Variants in EMILIN1 observed in about 807,000 individuals in gnomAD.
The protein encoded by EMILIN1 is elastin microfibril interfacer 1, also known as EMILIN-1.
In EMILIN1, 49 loss-of-function variants were observed where a neutral mutation model predicts 82.4. That is an observed-to-expected ratio of 0.59 (90% CI 0.47 to 0.75). The LOEUF (loss-of-function observed/expected upper bound fraction) is 0.75, where lower values mean the gene tolerates loss of function less well. Ranked by LOEUF, EMILIN1 falls within the 30% of genes least tolerant of loss-of-function variation. EMILIN1 has a pLI of 0.00. For synonymous variants in EMILIN1, 604 were observed against 602.2 expected, an observed-to-expected ratio of 1.00 and a Z score of -0.04; for missense variants, 1,313 against 1,366.4, an observed-to-expected ratio of 0.96 and a Z score of 0.62.
rs1214288215 is a variant in EMILIN1, at chr2:27,081,513, CT to C, written c.511+562del. On this transcript the variant is annotated intron_variant, in intron 3 of 7. Coordinates refer to ENST00000380320, the MANE Select transcript of EMILIN1 (RefSeq NM_007046.4). ...ACTATAATTATGCAAACAGGAACTC[CT>C]GGCCAACTCTCACCGTCCACAGAGC... 1.2e-4 allele frequency among the ~76,000 whole-genome samples: 19 copies of C among 152,284 alleles called. No individual in the cohort carries two copies. In the East Asian group the frequency reaches 2.1e-3, roughly 17 times the overall value.
Position 27,083,452 on chromosome 2 carries a change from C to T in EMILIN1, c.1881C>T (p.Asp627=), listed in dbSNP as rs767710118. Residue 627 remains aspartate (D), a synonymous_variant, in exon 4 of 8, where the codon GAC becomes GAT. Coordinates refer to ENST00000380320, the MANE Select transcript of EMILIN1 (RefSeq NM_007046.4). ...GVGGPSRGPL[D]GFSVFGGSSG... is the part of the protein sequence containing the mutation. ...GGGGCCCAAGCCGTGGGCCCCTGGA[C>T]GGCTTCAGCGTGTTTGGGGGCAGCT... is the stretch of plus-strand genomic sequence containing the variant. 1.7e-5 allele frequency: 28 copies of T among 1,612,744 alleles called. No homozygotes were observed. Among genetic ancestry groups the T allele is most frequent in the South Asian group, 9.9e-5 (9 of 91,072 alleles).
chr2:27,083,369 G>A lies in EMILIN1; in HGVS notation c.1798G>A (p.Glu600Lys). Residue 600 changes from glutamate (E) to lysine (K), a missense_variant, in exon 4 of 8, where the codon GAG becomes AAG. Physicochemically the swap from Glu to Lys is moderately conservative, Grantham distance 56. Coordinates refer to ENST00000380320, the MANE Select transcript of EMILIN1 (RefSeq NM_007046.4). The part of the protein sequence containing the change: ...EELGRLRDGV[E>K]RCSCPLLPPR... ...ACTAGGCCGCCTTCGGGATGGTGTG[G>A]AGCGCTGCTCCTGCCCCCTGTTGCC... 1 of 1,612,604 alleles carries A rather than the reference G, an allele frequency of 6.2e-7. No homozygotes were observed. Among genetic ancestry groups the A allele is most frequent in the Admixed American group, 1.7e-5 (1 of 60,024 alleles).
In EMILIN1 at chr2:27,083,050, C is replaced by T; in HGVS notation, c.1479C>T (p.Val493=). The change falls in exon 4 of 8, where the codon GTC becomes GTT. Residue 493 remains valine, a synonymous_variant. Transcript: ENST00000380320. The part of the protein sequence containing the change: ...SGAPGEQDSQ[V]SEILSALERR... ...CCCCTGGGGAGCAGGACTCTCAAGT[C>T]AGCGAGATCCTCAGTGCCTTGGAGC... The T allele has an allele frequency of 9.7e-6, 15 of 1,544,406 alleles. No individual in the cohort carries two copies. Among genetic ancestry groups the T allele is most frequent in the Non-Finnish European group, 1.3e-5 (15 of 1,145,220 alleles).
In EMILIN1 at chr2:27,079,190, G is replaced by A; in HGVS notation, c.125G>A (p.Gly42Glu). The A allele has an allele frequency of 2.5e-6, 4 of 1,582,094 alleles. No individual in the cohort carries two copies. Among genetic ancestry groups the A allele is most frequent in the Non-Finnish European group, 3.4e-6 (4 of 1,168,914 alleles). ...YTGSSGALSPGGPQAQIAPRP... is the reference protein window; with the variant it reads ...YTGSSGALSPEGPQAQIAPRP... ...GGTTCCAGTGGGGCCCTCAGCCCCG[G>A]GGGGCCCCAGGCCCAGATTGCCCCC... is the stretch of plus-strand genomic sequence containing the variant. The change falls in exon 1 of 8, where the codon GGG becomes GAG. Residue 42 changes from glycine to glutamate, a missense_variant. Coordinates refer to ENST00000380320, the MANE Select transcript of EMILIN1 (RefSeq NM_007046.4).
At chr2:27,080,061 G>C in intron 1 of EMILIN1, 90 bp from the exon 2 acceptor site, 1 of 1,474,800 alleles carries the variant, frequency 6.8e-7, no homozygotes, top group East Asian at 2.3e-5. Context: ...TGCATCTTTG[G>C]AGCCTTCTTC....
Position 27,082,843 on chromosome 2 carries a change from G to A in EMILIN1, c.1272G>A (p.Gln424=). The change falls in exon 4 of 8, where the codon CAG becomes CAA. Residue 424 remains glutamine (Q), a synonymous_variant. Coordinates refer to ENST00000380320, the MANE Select transcript of EMILIN1 (RefSeq NM_007046.4). ...FNSTLGPSEE[Q]EESWPGAPGG... ...CCACCCTGGGCCCTTCGGAGGAGCAGGAGGAGAGCTGGCCTGGGGCTCCTG... is the reference window on the plus strand; with the variant it reads ...CCACCCTGGGCCCTTCGGAGGAGCAAGAGGAGAGCTGGCCTGGGGCTCCTG... 1 of 1,578,484 alleles carries A rather than the reference G, an allele frequency of 6.3e-7. No homozygotes were observed.
Position 27,083,987 on chromosome 2 carries a change from C to T in EMILIN1, c.2416C>T (p.Gln806Ter). ...SLQLLEDRLH[Q>*]LSLKDLTGPA... ...GCAGCTCCTGGAGGACCGTCTGCACCAGCTCAGCCTGAAGGACCTCACTGG... is the reference window on the plus strand; with the variant it reads ...GCAGCTCCTGGAGGACCGTCTGCACTAGCTCAGCCTGAAGGACCTCACTGG... Residue 806 changes from glutamine to a stop codon, truncating the protein, a stop_gained, in exon 4 of 8, where the codon CAG becomes TAG. Transcript: ENST00000380320. LOFTEE classifies it high-confidence loss of function. 1 of 1,524,490 alleles carries T rather than the reference C, an allele frequency of 6.6e-7. No individual in the cohort carries two copies. The highest frequency in any genetic ancestry group is 8.8e-7 in the Non-Finnish European group (1 of 1,132,330). The allele number at this position is 1,524,490 out of a possible 1,614,324, so 94.4% of individuals were successfully genotyped here. A position where few individuals can be genotyped will look rare whatever the true frequency, so the allele number is the denominator to read the frequency against.
At position 27,082,834 on chromosome 2, in the gene EMILIN1, G is replaced by C. The variant is rs755757014; in HGVS notation, c.1263G>C (p.Ser421=). The part of the protein sequence containing the change: ...EDRFNSTLGP[S]EEQEESWPGA... Reference sequence around the variant, plus strand: ...GCTTCAACTCCACCCTGGGCCCTTCGGAGGAGCAGGAGGAGAGCTGGCCTG... The same window carrying C: ...GCTTCAACTCCACCCTGGGCCCTTCCGAGGAGCAGGAGGAGAGCTGGCCTG... The change falls in exon 4 of 8, where the codon TCG becomes TCC. Residue 421 remains serine, a synonymous_variant. Coordinates refer to ENST00000380320, the MANE Select transcript of EMILIN1 (RefSeq NM_007046.4). The C allele has an allele frequency of 1.3e-6, 2 of 1,571,632 alleles. No homozygotes were observed. Among genetic ancestry groups the C allele is most frequent in the Non-Finnish European group, 1.7e-6 (2 of 1,167,174 alleles).
Position 27,085,274 on chromosome 2 carries a change from G to A in EMILIN1, c.2690G>A (p.Gly897Glu). The A allele has an allele frequency of 1.2e-6, 2 of 1,614,076 alleles. No individual in the cohort carries two copies. Among genetic ancestry groups the A allele is most frequent in the Non-Finnish European group, 1.7e-6 (2 of 1,180,042 alleles). ...VPFDRVLLNDGGYYDPETGVF... is the reference protein window; with the variant it reads ...VPFDRVLLNDEGYYDPETGVF... ...TTCGACAGAGTCCTGCTCAATGATG[G>A]AGGCTATTATGATCCAGAGACAGGT... Residue 897 changes from glycine to glutamate, a missense_variant, in exon 7 of 8, where the codon GGA (glycine) becomes GAA (glutamate). Transcript: ENST00000380320.
At chr2:27,082,040 C>A in intron 3 of EMILIN1, 43 bp from the exon 4 acceptor site, 3 of 1,526,802 alleles carry the variant, frequency 2.0e-6, no homozygotes, top group Non-Finnish European at 2.6e-6. Context: ...GCCTTGAGCT[C>A]TGGGGTCCAG....
Position 27,082,833 on chromosome 2 carries a change from C to T in EMILIN1, c.1262C>T (p.Ser421Leu), listed in dbSNP as rs752386125. The stretch of plus-strand genomic sequence containing the variant: ...CGCTTCAACTCCACCCTGGGCCCTT[C>T]GGAGGAGCAGGAGGAGAGCTGGCCT... ...EDRFNSTLGPSEEQEESWPGA... is the reference protein window; with the variant it reads ...EDRFNSTLGPLEEQEESWPGA... Residue 421 changes from serine (S) to leucine (L), a missense_variant, in exon 4 of 8, where the codon TCG becomes TTG. Coordinates refer to ENST00000380320, the MANE Select transcript of EMILIN1 (RefSeq NM_007046.4). The T allele has an allele frequency of 2.8e-5, 44 of 1,570,668 alleles. No homozygotes were observed. Among genetic ancestry groups the T allele is most frequent in the East Asian group, 6.8e-5 (3 of 43,824 alleles).
chr2:27,082,445 C>T lies in EMILIN1; in HGVS notation c.874C>T (p.Arg292Trp), dbSNP rs1318818405. The change falls in exon 4 of 8, where the codon CGG becomes TGG. Residue 292 changes from arginine (R) to tryptophan (W), a missense_variant. Arg to Trp is a moderately radical substitution (Grantham distance 101). Transcript: ENST00000380320. ...APPGPSEELL[R>W]QLEQRLQESC... ...TCCGGGCCCCAGTGAGGAGCTGCTG[C>T]GGCAGCTGGAGCAGCGGTTGCAGGA... 12 of 1,585,842 alleles carry T rather than the reference C, an allele frequency of 7.6e-6. No homozygotes were observed. Among genetic ancestry groups the T allele is most frequent in the African/African-American group, 2.7e-5 (2 of 74,072 alleles).
intron 2 of EMILIN1, 22 bp from the exon 3 acceptor site, chr2:27,080,710 G>T: frequency 6.3e-7 from 1 of 1,596,730 alleles, no homozygotes. Flanking sequence ...GGAATAAAGA[G>T]GCCTCCTTCT....
Position 27,079,162 on chromosome 2 carries a change from A to T in EMILIN1, c.97A>T (p.Thr33Ser), listed in dbSNP as rs748254464. ...CCCTCCTCGAGGTTTCAGCCTCTAC[A>T]CAGGTTCCAGTGGGGCCCTCAGCCC... ...SYPPRGFSLY[T>S]GSSGALSPGG... The change falls in exon 1 of 8, where the codon ACA becomes TCA. Residue 33 changes from threonine to serine, a missense_variant. Transcript: ENST00000380320. 2 of 1,594,950 alleles carry T rather than the reference A, an allele frequency of 1.3e-6. No individual in the cohort carries two copies. The highest frequency in any genetic ancestry group is 1.1e-5 in the South Asian group (1 of 89,746).
chr2:27,082,272 A>G lies in EMILIN1; in HGVS notation c.701A>G (p.His234Arg). 1.2e-6 allele frequency: 2 copies of G among 1,613,234 alleles called. No individual in the cohort carries two copies. The highest frequency in any genetic ancestry group is 1.7e-6 in the Non-Finnish European group (2 of 1,179,950). The change falls in exon 4 of 8, where the codon CAT becomes CGT. Residue 234 changes from histidine (H) to arginine (R), a missense_variant. By Grantham distance (29) the His-to-Arg change is conservative (BLOSUM62 0). Coordinates refer to ENST00000380320, the MANE Select transcript of EMILIN1 (RefSeq NM_007046.4). The stretch of plus-strand genomic sequence containing the variant: ...GACGCGGCTGCCCGCCCTGGGGTGC[A>G]TGAAACCCTCAATGAGATCCAGCAC... Reference protein sequence around the residue: ...PADAAARPGVHETLNEIQHQL... With the variant: ...PADAAARPGVRETLNEIQHQL...
Position 27,080,675 on chromosome 2 carries a change from A to G in EMILIN1, c.291-57A>G, listed in dbSNP as rs556486278. 2.1e-6 allele frequency: 3 copies of G among 1,460,760 alleles called. No individual in the cohort carries two copies. The African/African-American group carries it at 4.2e-5, about 20-fold the overall frequency. 90.5% of individuals were successfully genotyped at this position (1,460,760 alleles called of 1,614,324 possible). A position where few individuals can be genotyped will look rare whatever the true frequency, so the allele number is the denominator to read the frequency against. ...CAGCTGCCCACCCCTGAGGACAGGG[A>G]CCAGGGTCACTGACCGTACAGGGAG... On this transcript the variant is annotated intron_variant, in intron 2 of 7. Transcript: ENST00000380320.
At position 27,082,385 on chromosome 2, in the gene EMILIN1, G is replaced by T; in HGVS notation, c.814G>T (p.Gly272Trp). 1.2e-6 allele frequency: 2 copies of T among 1,609,812 alleles called. No homozygotes were observed. The highest frequency in any genetic ancestry group is 1.7e-6 in the Non-Finnish European group (2 of 1,179,178). The change falls in exon 4 of 8, where the codon GGG becomes TGG. Residue 272 changes from glycine (G) to tryptophan (W), a missense_variant. By Grantham distance (184) the Gly-to-Trp change is radical. Coordinates refer to ENST00000380320, the MANE Select transcript of EMILIN1 (RefSeq NM_007046.4). ...CCATCATGGCGGCAGCAGCAGCAGT[G>T]GGGGCAGCAGGGCCCCAGCCCCAGC... ...NNHHGGSSSSGGSRAPAPASA... is the reference protein window; with the variant it reads ...NNHHGGSSSSWGSRAPAPASA...
In EMILIN1 at chr2:27,083,795, G is replaced by A; in HGVS notation, c.2224G>A (p.Gly742Arg). Residue 742 changes from glycine to arginine, a missense_variant, in exon 4 of 8, where the codon GGG becomes AGG. Physicochemically the swap from Gly to Arg is moderately radical, Grantham distance 125 (BLOSUM62 -2). Transcript: ENST00000380320. ...CTGTGAACGGTTGGACACTGTGGCT[G>A]GGGGACTGCAGGGCCTGCGCGAGGG... ...GVCERLDTVA[G>R]GLQGLREGLS... 1.2e-6 allele frequency: 2 copies of A among 1,604,012 alleles called. No individual in the cohort carries two copies. The highest frequency in any genetic ancestry group is 1.7e-6 in the Non-Finnish European group (2 of 1,171,930).
rs769640832 is a variant in EMILIN1, at chr2:27,083,403, G to A, written c.1832G>A (p.Gly611Asp). Residue 611 changes from glycine to aspartate, a missense_variant, in exon 4 of 8, where the codon GGT becomes GAT. Transcript: ENST00000380320. Reference sequence around the variant, plus strand: ...TCCTGCCCCCTGTTGCCTCCTCGGGGTCCTGGGGCTGGTCCAGGTGTTGGG... The same window carrying A: ...TCCTGCCCCCTGTTGCCTCCTCGGGATCCTGGGGCTGGTCCAGGTGTTGGG... ...RCSCPLLPPR[G>D]PGAGPGVGGP... 6.2e-7 allele frequency: 1 copy of A among 1,612,072 alleles called. No homozygotes were observed. The highest frequency in any genetic ancestry group is 8.5e-7 in the Non-Finnish European group (1 of 1,179,968).
Sources: gnomAD v4.1 joint callset for allele counts (sites outside exome capture counted in the v4.1 genomes callset) on GRCh38, gnomAD v4.1.1 for gene constraint, MANE v1.5 for transcripts, NCBI Gene and HGNC (gene_info 2026-07-23, HGNC 2026-07-21) for gene names.